The following CTNNAL1 variants were observed in gnomAD, a reference collection of about 807,000 sequenced individuals.
The protein encoded by CTNNAL1 is alpha-catulin.
In CTNNAL1, 69 loss-of-function variants were observed where a neutral mutation model predicts 93.6. That is an observed-to-expected ratio of 0.74 (90% CI 0.61 to 0.90). The LOEUF (loss-of-function observed/expected upper bound fraction) is 0.90, where lower values mean the gene tolerates loss of function less well. Among genes scored for constraint, CTNNAL1 ranks in the 40% least tolerant of loss-of-function variants. The pLI is 0.00. For missense variants in CTNNAL1, 836 were observed against 862.0 expected, an observed-to-expected ratio of 0.97 and a Z score of 0.38; for synonymous variants, 286 against 305.4, an observed-to-expected ratio of 0.94 and a Z score of 0.66.
At chr9:108,961,307 G>A (rs1830816063) in intron 11 of CTNNAL1, among the ~76,000 whole-genome samples, 1 of 152,190 alleles carries the variant, frequency 6.6e-6, no homozygotes, top group South Asian at 2.1e-4. Context: ...GAACAACACT[G>A]TGGCACTGGA....
At chr9:108,963,130 G>A (rs192321679) in intron 11 of CTNNAL1, among the ~76,000 whole-genome samples, 62 of 152,292 alleles carry the variant, frequency 4.1e-4, no homozygotes, top group African/African-American at 1.3e-3. Flanking sequence ...AATTGCTACC[G>A]TAATTGCTAC....
At chr9:108,951,381 C>T (rs1378896282) in intron 14 of CTNNAL1, among the ~76,000 whole-genome samples, 1 of 152,140 alleles carries the variant, frequency 6.6e-6, no homozygotes, top group Admixed American at 6.5e-5. Flanking sequence ...TTTAATTGAG[C>T]TTCAGTCTCT....
chr9:108,948,084 T>G (rs1356815580), intron 15 of CTNNAL1, 102 bp downstream of exon 15: 5 of 1,305,206 alleles, frequency 3.8e-6, no homozygotes, highest in Non-Finnish European at 5.4e-6. Context: ...TAGGTACAGA[T>G]GTAAGCATAT....
Position 109,007,342 on chromosome 9 carries a change from C to A in CTNNAL1, c.141+5960G>T, listed in dbSNP as rs550086500. 2.5e-4 allele frequency among the ~76,000 whole-genome samples: 38 copies of A among 152,270 alleles called. No individual in the cohort carries two copies. In the South Asian group the frequency reaches 7.2e-3, roughly 29 times the overall value. ...CTCTTCATCGACAACATAACTGCAA[C>A]AAGAATCCTGAAAAGCTTCCAGAAC... On this transcript the variant is annotated intron_variant, in intron 1 of 18. Coordinates refer to ENST00000325551, the MANE Select transcript of CTNNAL1 (RefSeq NM_003798.4).
Position 108,983,221 on chromosome 9 carries a change from A to G in CTNNAL1, c.824T>C (p.Ile275Thr), listed in dbSNP as rs572156002. ...TCCATTCGGTTTACAGTCAGTCACA[A>G]TTTCAATGACCTTATCCAATGCCAC... ...MKVALDKVIE[I>T]VTDCKPNGET... Residue 275 changes from isoleucine (I) to threonine (T), a missense_variant, in exon 6 of 19, where the codon ATT (isoleucine) becomes ACT (threonine). Physicochemically the swap from Ile to Thr is moderately conservative, Grantham distance 89. Coordinates refer to ENST00000325551, the MANE Select transcript of CTNNAL1 (RefSeq NM_003798.4). The G allele has an allele frequency of 8.8e-6, 14 of 1,594,688 alleles. No homozygotes were observed. In the African/African-American group the frequency reaches 1.3e-4, roughly 15 times the overall value.
At chr9:108,955,728 C>G (rs1371234329) in intron 12 of CTNNAL1, 62 bp downstream of exon 12, 2 of 1,414,632 alleles carry the variant, frequency 1.4e-6, no homozygotes, top group African/African-American at 1.4e-5. Flanking sequence ...CAACAGGCAA[C>G]AAGAGCATAA....
intron 1 of CTNNAL1, among the ~76,000 whole-genome samples, chr9:109,002,098 A>G (rs939021986): frequency 3.3e-5 from 5 of 152,216 alleles, no homozygotes; most frequent in African/African-American, 1.2e-4. Flanking sequence ...TAGGGCTCCT[A>G]TAACAAAATA....
At chr9:108,967,505 G>T (rs891265063) in intron 10 of CTNNAL1, among the ~76,000 whole-genome samples, 2 of 152,130 alleles carry the variant, frequency 1.3e-5, no homozygotes, top group Non-Finnish European at 1.5e-5. Context: ...AATGTCCCTG[G>T]CTTCATGGGA....
Position 108,992,744 on chromosome 9 carries a change from G to T in CTNNAL1, c.407C>A (p.Thr136Lys). The change falls in exon 3 of 19, where the codon ACA becomes AAA. Residue 136 changes from threonine (T) to lysine (K), a missense_variant. By Grantham distance (78) the Thr-to-Lys change is moderately conservative (BLOSUM62 -1). Coordinates refer to ENST00000325551, the MANE Select transcript of CTNNAL1 (RefSeq NM_003798.4). ...LESDGQITIFTDKTGVIKAAR... is the reference protein window; with the variant it reads ...LESDGQITIFKDKTGVIKAAR... ...AGCCTTTATCACTCCTGTTTTGTCTGTAAAAATTGTGATCTGCCCATCAGA... is the reference window on the plus strand; with the variant it reads ...AGCCTTTATCACTCCTGTTTTGTCTTTAAAAATTGTGATCTGCCCATCAGA... 1 of 1,613,932 alleles carries T rather than the reference G, an allele frequency of 6.2e-7. No homozygotes were observed. Among genetic ancestry groups the T allele is most frequent in the Non-Finnish European group, 8.5e-7 (1 of 1,179,910 alleles).
intron 2 of CTNNAL1, among the ~76,000 whole-genome samples, chr9:108,997,904 C>T (rs59249225): frequency 0.046 from 6,988 of 152,228 alleles, 556 homozygotes; most frequent in African/African-American, 0.16. Context: ...ATCCTCACAC[C>T]CCCTAAAATG....
intron 11 of CTNNAL1, among the ~76,000 whole-genome samples, chr9:108,956,229 A>T (rs1830685321): frequency 1.3e-5 from 2 of 152,242 alleles, no homozygotes; most frequent in South Asian, 2.1e-4. Flanking sequence ...TACCAGACCA[A>T]ATAATTTACA....
intron 1 of CTNNAL1, among the ~76,000 whole-genome samples, chr9:109,009,149 G>A (rs1480186790): frequency 1.3e-5 from 2 of 151,930 alleles, no homozygotes; most frequent in Non-Finnish European, 2.9e-5. Flanking sequence ...ACCTACCTCA[G>A]CCTCCCAAAG....
chr9:109,011,775 C>T (rs1467845956), intron 1 of CTNNAL1, among the ~76,000 whole-genome samples: 6 of 152,186 alleles, frequency 3.9e-5, no homozygotes, highest in African/African-American at 1.2e-4. Context: ...TCCCATACCA[C>T]GAGAATATAT....
chr9:108,965,963 C>G (rs2132119830), intron 10 of CTNNAL1, among the ~76,000 whole-genome samples: 1 of 152,300 alleles, frequency 6.6e-6, no homozygotes, highest in African/African-American at 2.4e-5. Context: ...CATATATACA[C>G]ACCCATGAGT....
At chr9:108,984,000 G>C in intron 5 of CTNNAL1, among the ~76,000 whole-genome samples, 1 of 152,214 alleles carries the variant, frequency 6.6e-6, no homozygotes, top group East Asian at 1.9e-4. Context: ...GTATTTAACA[G>C]ATCTTAACTT....
intron 12 of CTNNAL1, among the ~76,000 whole-genome samples, chr9:108,954,919 T>C (rs191623695): frequency 4.6e-5 from 7 of 152,294 alleles, no homozygotes. Context: ...ATACTCACCA[T>C]CTGTTGTTCT....
intron 14 of CTNNAL1, 134 bp from the exon 15 acceptor site, chr9:108,948,368 A>C: frequency 1.4e-6 from 1 of 697,106 alleles, no homozygotes; most frequent in South Asian, 2.5e-5. Context: ...TAGACTGATA[A>C]TATTGTAACT....
chr9:108,952,110 A>T, intron 14 of CTNNAL1, 99 bp downstream of exon 14: 1 of 1,015,938 alleles, frequency 9.8e-7, no homozygotes, highest in Non-Finnish European at 1.4e-6. Flanking sequence ...CATATATTTG[A>T]TACCGACTTT....
In CTNNAL1 at chr9:108,972,687, C is replaced by T. The variant is rs781274803; in HGVS notation, c.1335G>A (p.Glu445=). The change falls in exon 9 of 19, where the codon GAG becomes GAA. Residue 445 remains glutamate, a synonymous_variant. Coordinates refer to ENST00000325551, the MANE Select transcript of CTNNAL1 (RefSeq NM_003798.4). The stretch of plus-strand genomic sequence containing the variant: ...CTTGTTTACTCACCTCAACAAGCTG[C>T]TCTTTCTGTTCAGAGAGTTTACAGG... The part of the protein sequence containing the change: ...EYACKLSEQK[E]QLVETCRLLR... The T allele has an allele frequency of 4.3e-6, 7 of 1,611,970 alleles. No homozygotes were observed. The highest frequency in any genetic ancestry group is 5.9e-6 in the Non-Finnish European group (7 of 1,179,506).
Sources: gnomAD v4.1 joint callset for allele counts (sites outside exome capture counted in the v4.1 genomes callset) on GRCh38, gnomAD v4.1.1 for gene constraint, MANE v1.5 for transcripts, NCBI Gene and HGNC (gene_info 2026-07-23, HGNC 2026-07-21) for gene names.